Variants in MED1 observed in about 807,000 individuals in gnomAD.
MED1 encodes the protein mediator of RNA polymerase II transcription subunit 1.
A neutral mutation model predicts 121.3 loss-of-function variants in MED1; 17 were observed. The observed-to-expected ratio is 0.14, with a 90% CI of 0.10 to 0.21. The LOEUF (loss-of-function observed/expected upper bound fraction) is 0.21, where lower values mean the gene tolerates loss of function less well. Among genes scored for constraint, MED1 ranks in the 10% least tolerant of loss-of-function variants. The probability of loss-of-function intolerance (pLI) is 1.00; values close to 1 mark genes in which losing one functional copy is unlikely to be tolerated. For synonymous variants in MED1, 661 were observed against 694.4 expected, an observed-to-expected ratio of 0.95 and a Z score of 0.76; for missense variants, 1,558 against 1,919.4, an observed-to-expected ratio of 0.81 and a Z score of 3.52.
chr17:39,410,831 A>T, intron 16 of MED1, 110 bp from the exon 17 acceptor site: 1 of 1,435,252 alleles, frequency 7.0e-7, no homozygotes, highest in Non-Finnish European at 9.2e-7. Flanking sequence ...AGGTAGGGCA[A>T]ATAATCTGTA....
chr17:39,409,342 G>A lies in MED1; in HGVS notation c.2879C>T (p.Thr960Ile). 6.2e-7 allele frequency: 1 copy of A among 1,613,950 alleles called. No individual in the cohort carries two copies. The highest frequency in any genetic ancestry group is 8.5e-7 in the Non-Finnish European group (1 of 1,180,010). The change falls in exon 17 of 17, where the codon ACT becomes ATT. Residue 960 changes from threonine (T) to isoleucine (I), a missense_variant. By Grantham distance (89) the Thr-to-Ile change is moderately conservative. Transcript: ENST00000300651. ...AGTCTTTTCTTTCCCTAAGTCCCCAGTGGTCAGTAAAGGACCCTGACTACC... is the reference window on the plus strand; with the variant it reads ...AGTCTTTTCTTTCCCTAAGTCCCCAATGGTCAGTAAAGGACCCTGACTACC... ...HSGSQGPLLT[T>I]GDLGKEKTQK... is the part of the protein sequence containing the mutation.
intron 8 of MED1, 121 bp from the exon 9 acceptor site, chr17:39,431,309 C>T (rs2048563354): frequency 1.3e-6 from 1 of 767,860 alleles, no homozygotes; most frequent in Non-Finnish European, 2.1e-6. Context: ...CGGAGTTTCG[C>T]TCTTGTCGCC....
chr17:39,432,945 C>T (rs539444535), intron 7 of MED1, among the ~76,000 whole-genome samples: 2 of 152,104 alleles, frequency 1.3e-5, no homozygotes, highest in South Asian at 4.2e-4. Flanking sequence ...CAATGTCTCA[C>T]GCCTATAATC....
chr17:39,412,466 G>A (rs936921689), intron 16 of MED1, among the ~76,000 whole-genome samples: 6 of 148,578 alleles, frequency 4.0e-5, no homozygotes, highest in South Asian at 2.1e-4. Flanking sequence ...GACCTCAGGC[G>A]ATCCACCCAC....
intron 1 of MED1, among the ~76,000 whole-genome samples, chr17:39,449,714 T>C (rs904367794): frequency 6.6e-6 from 1 of 151,462 alleles, no homozygotes; most frequent in Non-Finnish European, 1.5e-5. Flanking sequence ...TTCACCATGT[T>C]AGCCAGTCTG....
At chr17:39,422,730 C>T (rs1340575238) in intron 13 of MED1, among the ~76,000 whole-genome samples, 2 of 151,842 alleles carry the variant, frequency 1.3e-5, no homozygotes, top group African/African-American at 2.4e-5. Flanking sequence ...CCGCCTTGGC[C>T]TCCCAAATTC....
At chr17:39,438,329 CCTGG>C (rs1398995904) in intron 6 of MED1, among the ~76,000 whole-genome samples, 1 of 140,900 alleles carries the variant, frequency 7.1e-6, no homozygotes, top group African/African-American at 2.6e-5. Flanking sequence ...CACCACCATG[CCTGG>C]CTAATTTTTT....
rs1264753346 is a variant in MED1 at position 39,407,688 on chromosome 17, A to G, written c.4533T>C (p.Asp1511=). The G allele has an allele frequency of 2.5e-6, 4 of 1,613,624 alleles. No homozygotes were observed. The African/African-American group carries it at 4.0e-5, about 16-fold the overall frequency. Reference sequence around the variant, plus strand: ...GGTCTTTGTCCCGGTCTCGGTCCCTATCTTTGTCTTTTACTTTCTTCTTTT... The same window carrying G: ...GGTCTTTGTCCCGGTCTCGGTCCCTGTCTTTGTCTTTTACTTTCTTCTTTT... The part of the protein sequence containing the change: ...KKEKKKVKDK[D]RDRDRDKDRD... Residue 1511 remains aspartate (D), a synonymous_variant, in exon 17 of 17, where the codon GAT becomes GAC. Transcript: ENST00000300651.
rs2144705687 is a variant in MED1 at position 39,404,401 on chromosome 17, A to G, written c.*3074T>C. The G allele has an allele frequency of 6.6e-6, 1 of 152,482 alleles. No individual in the cohort carries two copies. Among genetic ancestry groups the G allele is most frequent in the Admixed American group, 6.5e-5 (1 of 15,302 alleles). 9.4% of individuals were successfully genotyped at this position (152,482 alleles called of 1,614,324 possible). ...CTTTCAAAAAAATGAAAAACCCCAAAGTATTTACAAAACGGCCATATGCAC... is the reference window on the plus strand; with the variant it reads ...CTTTCAAAAAAATGAAAAACCCCAAGGTATTTACAAAACGGCCATATGCAC... On this transcript the variant is annotated 3_prime_UTR_variant, in exon 17 of 17. Coordinates refer to ENST00000300651, the MANE Select transcript of MED1 (RefSeq NM_004774.4).
chr17:39,441,311 C>A (rs775386619), intron 3 of MED1, among the ~76,000 whole-genome samples: 8 of 151,892 alleles, frequency 5.3e-5, no homozygotes, highest in South Asian at 2.1e-4. Flanking sequence ...TGGGGGAAGG[C>A]GGGAATGGGA....
At chr17:39,449,605 C>A (rs1249012566) in intron 1 of MED1, among the ~76,000 whole-genome samples, 1 of 149,700 alleles carries the variant, frequency 6.7e-6, no homozygotes, top group South Asian at 2.1e-4. Context: ...CTCCACCTCC[C>A]GGGTTTGGGT....
At chr17:39,432,978 C>T (rs566583063) in intron 7 of MED1, among the ~76,000 whole-genome samples, 6 of 152,126 alleles carry the variant, frequency 3.9e-5, no homozygotes, top group South Asian at 2.1e-4. Context: ...GAGGCCATGG[C>T]GGGTGGATCA....
chr17:39,449,860 G>A (rs1401108887), intron 1 of MED1, among the ~76,000 whole-genome samples: 12 of 130,038 alleles, frequency 9.2e-5, no homozygotes, highest in Non-Finnish European at 1.6e-4. Context: ...TGTAGCCCAG[G>A]TAGGAATGCA....
intron 2 of MED1, among the ~76,000 whole-genome samples, chr17:39,447,250 G>T (rs549123065): frequency 1.3e-5 from 2 of 152,036 alleles, no homozygotes; most frequent in African/African-American, 4.8e-5. Flanking sequence ...AATTAGCTGG[G>T]CGTGGTGGCG....
Position 39,410,352 on chromosome 17 carries a change from G to A in MED1, c.1869C>T (p.Thr623=), listed in dbSNP as rs767704593. 6.2e-7 allele frequency: 1 copy of A among 1,613,864 alleles called. No individual in the cohort carries two copies. The highest frequency in any genetic ancestry group is 1.1e-5 in the South Asian group (1 of 91,038). Residue 623 remains threonine, a synonymous_variant, in exon 17 of 17, where the codon ACC becomes ACT. Coordinates refer to ENST00000300651, the MANE Select transcript of MED1 (RefSeq NM_004774.4). ...NGGSTIGSSP[T]PPHHTPPPVS... Reference sequence around the variant, plus strand: ...CAGGTGGCGGCGTGTGATGAGGAGGGGTCGGACTCGAGCCAATGGTAGACC... The same window carrying A: ...CAGGTGGCGGCGTGTGATGAGGAGGAGTCGGACTCGAGCCAATGGTAGACC...
rs2048746759 is a variant in MED1 at position 39,448,199 on chromosome 17, T to C, written c.26-295A>G. 2.7e-5 allele frequency among the ~76,000 whole-genome samples: 4 copies of C among 150,620 alleles called. No homozygotes were observed. The South Asian group carries it at 8.4e-4, about 32-fold the overall frequency. ...ATGACCAGGCTGGAGTGTCAAACCC[T>C]GTCTCTACCGAAAATACAAAATTAG... On this transcript the variant is annotated intron_variant, in intron 1 of 16. Coordinates refer to ENST00000300651, the MANE Select transcript of MED1 (RefSeq NM_004774.4).
In MED1 at chr17:39,407,364, G is replaced by C; in HGVS notation, c.*111C>G. The C allele has an allele frequency of 6.9e-7, 1 of 1,439,266 alleles. No homozygotes were observed. The highest frequency in any genetic ancestry group is 9.1e-7 in the Non-Finnish European group (1 of 1,098,872). The allele number at this position is 1,439,266 out of a possible 1,614,324, so 89.2% of individuals were successfully genotyped here. The stretch of plus-strand genomic sequence containing the variant: ...CTTGATGTCAAAGCCATGCCATTTA[G>C]GATTCTTAACCAAATCAGACCTGTC... On this transcript the variant is annotated 3_prime_UTR_variant, in exon 17 of 17. Coordinates refer to ENST00000300651, the MANE Select transcript of MED1 (RefSeq NM_004774.4).
At chr17:39,427,469 C>T (rs1036827777) in intron 10 of MED1, 1 of 265,222 alleles carries the variant, frequency 3.8e-6, no homozygotes, top group Non-Finnish European at 7.2e-6. Flanking sequence ...CGTGAGCCAC[C>T]GTGCCCAGCC....
intron 14 of MED1, among the ~76,000 whole-genome samples, chr17:39,418,848 C>T (rs1487948291): frequency 6.7e-6 from 1 of 150,204 alleles, no homozygotes; most frequent in Non-Finnish European, 1.5e-5. Context: ...AGTACAGTGG[C>T]ATGATCTAAG....
Sources: gnomAD v4.1 joint callset for allele counts (sites outside exome capture counted in the v4.1 genomes callset) on GRCh38, gnomAD v4.1.1 for gene constraint, MANE v1.5 for transcripts, NCBI Gene and HGNC (gene_info 2026-07-23, HGNC 2026-07-21) for gene names.